The following RBFOX1 variants were observed in gnomAD, a reference collection of about 807,000 sequenced individuals.
The protein encoded by RBFOX1 is RNA binding fox-1 homolog 1.
In RBFOX1, 8 loss-of-function variants were observed where a neutral mutation model predicts 57.7. The observed-to-expected ratio is 0.14, with a 90% CI of 0.08 to 0.25. RBFOX1 has a LOEUF of 0.25. RBFOX1 is among the 10% of genes least tolerant of loss of function. The pLI is 1.00. For missense variants in RBFOX1, 611 were observed against 548.5 expected, an observed-to-expected ratio of 1.11 and a Z score of -1.14; for synonymous variants, 326 against 222.4, an observed-to-expected ratio of 1.47 and a Z score of -4.15.
intron 2 of RBFOX1, among the ~76,000 whole-genome samples, chr16:6,352,226 T>C (rs1021765865): frequency 5.9e-5 from 9 of 152,210 alleles, no homozygotes; most frequent in Non-Finnish European, 1.3e-4. Context: ...TTATCTGGAA[T>C]GTTGTGTATT....
At chr16:6,873,151 A>G (rs915109654) in intron 3 of RBFOX1, among the ~76,000 whole-genome samples, 4 of 151,570 alleles carry the variant, frequency 2.6e-5, no homozygotes, top group Non-Finnish European at 4.4e-5. Flanking sequence ...AAAAAGCTCT[A>G]TAGCAGACTT....
intron 1 of RBFOX1, among the ~76,000 whole-genome samples, chr16:6,093,819 T>C (rs2096210033): frequency 6.6e-6 from 1 of 151,794 alleles, no homozygotes; most frequent in African/African-American, 2.4e-5. Flanking sequence ...GGGGTCTCAC[T>C]GTGTTGCCCA....
At chr16:7,519,645 C>T (rs748542740) in intron 5 of RBFOX1, 2 of 975,472 alleles carry the variant, frequency 2.1e-6, no homozygotes, top group Non-Finnish European at 2.4e-6. Context: ...CATTTGGGAA[C>T]CTTTTTCTGC....
At chr16:6,349,897 C>T (rs985588134) in intron 2 of RBFOX1, among the ~76,000 whole-genome samples, 1 of 152,112 alleles carries the variant, frequency 6.6e-6, no homozygotes, top group African/African-American at 2.4e-5. Flanking sequence ...GTTTAGAACT[C>T]GTGTCTTCTA....
At chr16:6,914,388 A>G (rs1056995775) in intron 3 of RBFOX1, among the ~76,000 whole-genome samples, 4 of 152,176 alleles carry the variant, frequency 2.6e-5, no homozygotes, top group Admixed American at 1.3e-4. Context: ...TTCATGATTC[A>G]GAATCTACAA....
chr16:7,275,201 C>T (rs1486113125), intron 4 of RBFOX1, among the ~76,000 whole-genome samples: 1 of 151,982 alleles, frequency 6.6e-6, no homozygotes, highest in Non-Finnish European at 1.5e-5. Flanking sequence ...AACAGACAAT[C>T]GACATCACAT....
intron 3 of RBFOX1, among the ~76,000 whole-genome samples, chr16:6,818,521 A>G (rs918482098): frequency 6.6e-6 from 1 of 152,224 alleles, no homozygotes; most frequent in Non-Finnish European, 1.5e-5. Flanking sequence ...TAAAGTGGCA[A>G]TAATACAAGC....
chr16:7,399,761 A>T (rs747266868), intron 4 of RBFOX1, among the ~76,000 whole-genome samples: 2 of 152,204 alleles, frequency 1.3e-5, no homozygotes, highest in Non-Finnish European at 1.5e-5. Context: ...TTACATCTGC[A>T]AAGACCCTCT....
At chr16:6,463,531 G>A (rs762605758) in intron 2 of RBFOX1, among the ~76,000 whole-genome samples, 2 of 152,052 alleles carry the variant, frequency 1.3e-5, no homozygotes, top group Non-Finnish European at 2.9e-5. Flanking sequence ...GGGTCGGGGC[G>A]GAGTGTAAGT....
rs142831065 is a variant in RBFOX1 at position 6,571,798 on chromosome 16, A to C, written c.-63-82805A>C. Among the ~76,000 whole-genome samples the C allele has an allele frequency of 2.8e-3, 432 of 152,350 alleles. 2 individuals carry two copies. Among genetic ancestry groups the C allele is most frequent in the African/African-American group, 0.01 (418 of 41,574 alleles). On this transcript the variant is annotated intron_variant, in intron 2 of 15. Transcript: ENST00000550418. The stretch of plus-strand genomic sequence containing the variant: ...CACTCAGTAAATATTTTTTGAGTGA[A>C]TTAATTTATCAAAAAAGCATATGTA...
At chr16:7,249,515 A>G (rs768252847) in intron 4 of RBFOX1, among the ~76,000 whole-genome samples, 2 of 151,746 alleles carry the variant, frequency 1.3e-5, no homozygotes, top group African/African-American at 2.4e-5. Context: ...GACTTCCCAC[A>G]TTGTATATCA....
chr16:5,499,075 G>A lies in RBFOX1; in HGVS notation c.258+31821G>A, dbSNP rs115504292. Among the ~76,000 whole-genome samples, 860 of 152,278 alleles carry A rather than the reference G, an allele frequency of 5.6e-3. 5 individuals are homozygous for A. The highest frequency in any genetic ancestry group is 0.02 in the African/African-American group (820 of 41,554). On this transcript the variant is annotated intron_variant, in intron 2 of 2. Coordinates refer to the RBFOX1 transcript ENST00000585867. ...CACAAGTGCCCCAGGTGGTGCTCAT[G>A]CTTGCTGGCCAGGCCGGCTCTGGTT...
At chr16:5,777,900 T>C (rs1005417594) in intron 3 of RBFOX1, among the ~76,000 whole-genome samples, 4 of 152,192 alleles carry the variant, frequency 2.6e-5, no homozygotes, top group Non-Finnish European at 5.9e-5. Flanking sequence ...TCCATTTAAA[T>C]TGCTTTTTCA....
chr16:5,339,145 C>T (rs543998936), intron 1 of RBFOX1, among the ~76,000 whole-genome samples: 2 of 152,084 alleles, frequency 1.3e-5, no homozygotes, highest in East Asian at 1.9e-4. Context: ...TGTCCTTTGA[C>T]CAACATCTCC....
intron 2 of RBFOX1, among the ~76,000 whole-genome samples, chr16:6,461,907 G>A (rs764374424): frequency 1.3e-5 from 2 of 152,122 alleles, no homozygotes; most frequent in East Asian, 3.9e-4. Context: ...TTGTTAAACA[G>A]CCTGTATTAG....
intron 7 of RBFOX1, among the ~76,000 whole-genome samples, chr16:7,588,120 A>G (rs959513286): frequency 9.2e-5 from 14 of 152,232 alleles, no homozygotes; most frequent in Non-Finnish European, 2.1e-4. Context: ...TAGTAGTTGC[A>G]GTGAGCTGAG....
chr16:6,575,496 A>C (rs1310263508), intron 2 of RBFOX1, among the ~76,000 whole-genome samples: 2 of 152,146 alleles, frequency 1.3e-5, no homozygotes, highest in Non-Finnish European at 2.9e-5. Context: ...TGATCTTCTA[A>C]ATAAAGACCC....
Position 6,019,748 on chromosome 16 carries a change from C to T in RBFOX1, c.-371C>T, listed in dbSNP as rs1272098733. 4 of 1,378,114 alleles carry T rather than the reference C, an allele frequency of 2.9e-6. No homozygotes were observed. Among genetic ancestry groups the T allele is most frequent in the Admixed American group, 6.2e-5 (2 of 32,416 alleles). 85.4% of individuals were successfully genotyped at this position (1,378,114 alleles called of 1,614,324 possible). ...GCGCGCCCGGGATTGAGAGTCCTTG[C>T]GCTCCAGACCCCCACCCAGTGGCCG... On this transcript the variant is annotated 5_prime_UTR_variant, in exon 1 of 16. Coordinates refer to ENST00000550418, the MANE Select transcript of RBFOX1 (RefSeq NM_018723.4). The surrounding 1 kb of genome is among the most constrained non-coding windows in gnomAD (Gnocchi z 4.2).
rs150741720 is a variant in RBFOX1, at chr16:6,760,789, C to A, written c.-16+106139C>A. On this transcript the variant is annotated intron_variant, in intron 3 of 15. Transcript: ENST00000550418. ...GAGATGAGCAGTCACGTATTTCACACAGAGTAGGATCAGAGATTCCAACTA... is the reference window on the plus strand; with the variant it reads ...GAGATGAGCAGTCACGTATTTCACAAAGAGTAGGATCAGAGATTCCAACTA... Among the ~76,000 whole-genome samples the A allele has an allele frequency of 2.8e-3, 427 of 152,270 alleles. 3 individuals carry two copies. Among genetic ancestry groups the A allele is most frequent in the East Asian group, 0.025 (130 of 5,170 alleles).
Sources: allele counts gnomAD v4.1 joint callset (sites outside exome capture counted in the v4.1 genomes callset), GRCh38; gene constraint gnomAD v4.1.1; non-coding constraint Gnocchi (gnomAD v3.1); transcripts MANE v1.5; gene names NCBI Gene and HGNC (gene_info 2026-07-23, HGNC 2026-07-21).